RBFOX1: variants seen among roughly 807,000 people sequenced by gnomAD.
RBFOX1 encodes the protein RNA binding fox-1 homolog 1.
Under a neutral mutation model 57.7 loss-of-function variants are expected in RBFOX1, and 8 were observed. The ratio of observed to expected loss-of-function variants is 0.14; its 90% confidence interval spans 0.08 to 0.25. The LOEUF is 0.25. RBFOX1 is among the 10% of genes least tolerant of loss of function. The pLI, the probability that RBFOX1 is intolerant of heterozygous loss-of-function variation, is 1.00. For synonymous variants in RBFOX1, 326 were observed against 222.4 expected (o/e 1.47, Z -4.15); for missense variants, 611 against 548.5 (o/e 1.11, Z -1.14).
intron 2 of RBFOX1, among the ~76,000 whole-genome samples, chr16:6,526,541 C>A (rs1411666486): frequency 6.6e-6 from 1 of 151,744 alleles, no homozygotes; most frequent in African/African-American, 2.4e-5. Flanking sequence ...AATGAAATAC[C>A]CTAAGAGGGC....
intron 2 of RBFOX1, among the ~76,000 whole-genome samples, chr16:6,623,268 C>T (rs546151994): frequency 3.9e-5 from 6 of 151,990 alleles, no homozygotes; most frequent in Non-Finnish European, 7.4e-5. Context: ...CAGAGCTAAC[C>T]TGGAATTTGA....
At chr16:7,249,420 G>A (rs2094430472) in intron 4 of RBFOX1, among the ~76,000 whole-genome samples, 1 of 152,154 alleles carries the variant, frequency 6.6e-6, no homozygotes, top group South Asian at 2.1e-4. Flanking sequence ...AAGGGCCATA[G>A]AAATTGGAGC....
chr16:5,729,032 A>G lies in RBFOX1; in HGVS notation c.318+130071A>G, dbSNP rs535292016. Among the ~76,000 whole-genome samples the G allele has an allele frequency of 3.3e-5, 5 of 152,298 alleles. No individual in the cohort carries two copies. In the East Asian group the frequency reaches 7.7e-4, roughly 24 times the overall value. ...AGGTGAGAGCTCTGAAATCATCCCA[A>G]TACTCTCAGGTCCAACTGCAGGGCA... On this transcript the variant is annotated intron_variant, in intron 3 of 19. Coordinates refer to the RBFOX1 transcript ENST00000641259.
chr16:6,954,665 G>C (rs1395242069), intron 3 of RBFOX1, among the ~76,000 whole-genome samples: 2 of 152,064 alleles, frequency 1.3e-5, no homozygotes, highest in Non-Finnish European at 2.9e-5. Context: ...TCCAATATCA[G>C]GTCATTGCAT....
At chr16:5,734,106 A>G (rs9925071) in intron 3 of RBFOX1, among the ~76,000 whole-genome samples, 36,567 of 152,054 alleles carry the variant, frequency 0.24, 6,754 homozygotes, top group African/African-American at 0.49. Flanking sequence ...CTTACGCCCT[A>G]CCTGGTTTCA....
intron 2 of RBFOX1, among the ~76,000 whole-genome samples, chr16:6,542,619 A>G (rs2096838571): frequency 6.7e-6 from 1 of 149,368 alleles, no homozygotes; most frequent in South Asian, 2.1e-4. Context: ...CCTGGCAAGT[A>G]GCTGGGACCA....
At chr16:5,389,533 A>G (rs562218791) in intron 1 of RBFOX1, among the ~76,000 whole-genome samples, 1 of 152,054 alleles carries the variant, frequency 6.6e-6, no homozygotes, top group East Asian at 1.9e-4. Context: ...GAAAATTGAC[A>G]TACTCCTGTG....
intron 3 of RBFOX1, among the ~76,000 whole-genome samples, chr16:6,805,151 G>C (rs1270965959): frequency 6.6e-6 from 1 of 152,024 alleles, no homozygotes; most frequent in Non-Finnish European, 1.5e-5. Flanking sequence ...TAAAGGCCCA[G>C]CAATAACAGA....
At chr16:7,483,528 C>A (rs538410899) in intron 4 of RBFOX1, among the ~76,000 whole-genome samples, 5 of 152,142 alleles carry the variant, frequency 3.3e-5, no homozygotes, top group Non-Finnish European at 7.3e-5. Flanking sequence ...ATATCCAGAC[C>A]TTTCCTGGGA....
At chr16:7,464,762 T>C (rs372939763) in intron 4 of RBFOX1, among the ~76,000 whole-genome samples, 1 of 145,264 alleles carries the variant, frequency 6.9e-6, no homozygotes, top group Non-Finnish European at 1.5e-5. Flanking sequence ...AGTCGCGTGA[T>C]CTCGGCTCAC....
chr16:5,763,566 A>G (rs1382589145), intron 3 of RBFOX1, among the ~76,000 whole-genome samples: 2 of 152,268 alleles, frequency 1.3e-5, no homozygotes, highest in Non-Finnish European at 2.9e-5. Context: ...GCGATAGAAC[A>G]TAATTGCTTT....
intron 4 of RBFOX1, among the ~76,000 whole-genome samples, chr16:7,315,449 C>G (rs2096413752): frequency 7.8e-6 from 1 of 128,454 alleles, no homozygotes; most frequent in Non-Finnish European, 1.6e-5. Flanking sequence ...AAGCCCTACT[C>G]TACCCTACCC....
At chr16:6,858,149 A>C (rs2058249148) in intron 3 of RBFOX1, among the ~76,000 whole-genome samples, 1 of 152,180 alleles carries the variant, frequency 6.6e-6, no homozygotes, top group Non-Finnish European at 1.5e-5. Flanking sequence ...ACGTGACTGT[A>C]ATTTAATATT....
intron 4 of RBFOX1, among the ~76,000 whole-genome samples, chr16:7,414,070 T>C (rs1227479202): frequency 1.3e-5 from 2 of 152,028 alleles, no homozygotes; most frequent in African/African-American, 4.8e-5. Context: ...AATTTGGGAG[T>C]GAGATAAGAA....
At chr16:6,638,795 T>A (rs1038017014) in intron 2 of RBFOX1, among the ~76,000 whole-genome samples, 2 of 152,194 alleles carry the variant, frequency 1.3e-5, no homozygotes, top group South Asian at 4.1e-4. Flanking sequence ...TGCAGGTGTT[T>A]GGGTGATGGC....
Position 7,052,055 on chromosome 16 carries a change from A to G in RBFOX1, c.-15-2A>G. The G allele has an allele frequency of 6.2e-7, 1 of 1,612,382 alleles. No homozygotes were observed. The highest frequency in any genetic ancestry group is 8.5e-7 in the Non-Finnish European group (1 of 1,179,438). ...TTCCCCTTCATTTTCTTTTCTTTCTAGGTTTCAAGACAACAGATGAATTGT... is the reference window on the plus strand; with the variant it reads ...TTCCCCTTCATTTTCTTTTCTTTCTGGGTTTCAAGACAACAGATGAATTGT... On this transcript the variant is annotated splice_acceptor_variant, in intron 3 of 15. Coordinates refer to ENST00000550418, the MANE Select transcript of RBFOX1 (RefSeq NM_018723.4). LOFTEE classifies it low-confidence loss of function (5UTR_SPLICE).
At chr16:7,044,089 C>T (rs940614260) in intron 3 of RBFOX1, among the ~76,000 whole-genome samples, 2 of 152,100 alleles carry the variant, frequency 1.3e-5, no homozygotes, top group African/African-American at 2.4e-5. Context: ...ACAATAGCTC[C>T]AGTAGCCTTC....
At chr16:5,489,292 T>C (rs193027307) in intron 2 of RBFOX1, among the ~76,000 whole-genome samples, 1 of 152,310 alleles carries the variant, frequency 6.6e-6, no homozygotes, top group African/African-American at 2.4e-5. Flanking sequence ...TGTGGGTGAA[T>C]TGAGAATTAT....
chr16:5,545,036 G>C (rs988103127), intron 2 of RBFOX1, among the ~76,000 whole-genome samples: 1 of 131,730 alleles, frequency 7.6e-6, no homozygotes, highest in Non-Finnish European at 1.6e-5. Context: ...GAGTGTAGTG[G>C]AGCATTCTTG....
Sources: gnomAD v4.1 joint callset for allele counts (sites outside exome capture counted in the v4.1 genomes callset) on GRCh38, gnomAD v4.1.1 for gene constraint, MANE v1.5 for transcripts, NCBI Gene and HGNC (gene_info 2026-07-23, HGNC 2026-07-21) for gene names.